Variants in HMCN1 observed in about 807,000 individuals in gnomAD.
HMCN1 encodes the protein hemicentin 1, also known as hemicentin-1.
In HMCN1, 321 loss-of-function variants were observed where a neutral mutation model predicts 625.9. The observed-to-expected ratio is 0.51, with a 90% CI of 0.47 to 0.56. The LOEUF is 0.56. HMCN1 is among the 20% of genes least tolerant of loss of function. HMCN1 has a pLI of 0.00. For missense variants in HMCN1, 6,588 were observed against 6,887.3 expected, an observed-to-expected ratio of 0.96 and a Z score of 1.54; for synonymous variants, 2,425 against 2,417.6, an observed-to-expected ratio of 1.00 and a Z score of -0.09.
chr1:186,134,446 A>G (rs1369711214), intron 86 of HMCN1, among the ~76,000 whole-genome samples: 1 of 152,178 alleles, frequency 6.6e-6, no homozygotes, highest in Non-Finnish European at 1.5e-5. Context: ...TAATGTAATC[A>G]GGAAACTAGG....
rs761411084 is a variant in HMCN1 at position 186,016,005 on chromosome 1, G to A, written c.4957G>A (p.Val1653Ile). ...CTTGGCCACGCCTTTGAATAAGCAAGTAGTTATTGCTCATTCTCTGACACT... is the reference window on the plus strand; with the variant it reads ...CTTGGCCACGCCTTTGAATAAGCAAATAGTTATTGCTCATTCTCTGACACT... ...GNLATPLNKQVVIAHSLTLEC... is the reference protein window; with the variant it reads ...GNLATPLNKQIVIAHSLTLEC... Residue 1653 changes from valine to isoleucine, a missense_variant, in exon 32 of 107, where the codon GTA becomes ATA. Around this residue, in one of 3 missense-constraint regions of HMCN1, gnomAD observed 4,628 missense variants for 4,853.1 expected, o/e 0.95. Coordinates refer to ENST00000271588, the MANE Select transcript of HMCN1 (RefSeq NM_031935.3). The A allele has an allele frequency of 1.2e-6, 2 of 1,613,140 alleles. No individual in the cohort carries two copies. The highest frequency in any genetic ancestry group is 3.3e-5 in the Admixed American group (2 of 59,954).
intron 53 of HMCN1, among the ~76,000 whole-genome samples, chr1:186,076,051 G>A (rs1285054380): frequency 6.6e-6 from 1 of 152,094 alleles, no homozygotes; most frequent in African/African-American, 2.4e-5. Context: ...AAATCACTGT[G>A]AAATGCTCTC....
At chr1:185,795,653 C>T (rs1045175481) in intron 1 of HMCN1, among the ~76,000 whole-genome samples, 2 of 152,262 alleles carry the variant, frequency 1.3e-5, no homozygotes, top group South Asian at 2.1e-4. Context: ...AAGAGGAGCA[C>T]GTCTAGAATA....
intron 34 of HMCN1, among the ~76,000 whole-genome samples, 165 bp downstream of exon 34, chr1:186,018,517 T>C (rs1383034505): frequency 6.6e-6 from 1 of 152,030 alleles, no homozygotes; most frequent in Non-Finnish European, 1.5e-5. Flanking sequence ...AGTTACTTTA[T>C]TGACCCAGAG....
At chr1:185,994,774 T>A (rs1475409728) in intron 23 of HMCN1, 41 bp from the exon 24 acceptor site, 1 of 1,589,916 alleles carries the variant, frequency 6.3e-7, no homozygotes. Flanking sequence ...AGAAAGGAAT[T>A]TGTGAAAGTT....
chr1:185,948,118 T>C (rs575337665), intron 11 of HMCN1, among the ~76,000 whole-genome samples: 22 of 152,356 alleles, frequency 1.4e-4, no homozygotes, highest in African/African-American at 5.3e-4. Flanking sequence ...ATAGGAAATA[T>C]AGATACTTAG....
At chr1:185,777,317 A>C (rs1465297866) in intron 1 of HMCN1, among the ~76,000 whole-genome samples, 2 of 152,228 alleles carry the variant, frequency 1.3e-5, no homozygotes, top group Non-Finnish European at 2.9e-5. Flanking sequence ...CATTCAATAC[A>C]TTCAATAGCT....
At chr1:186,053,723 C>T in intron 43 of HMCN1, 102 bp from the exon 44 acceptor site, 1 of 1,184,066 alleles carries the variant, frequency 8.4e-7, no homozygotes. Context: ...TGTCATTTGC[C>T]TTTTATATAC....
chr1:186,078,445 A>G (rs1176030375), intron 55 of HMCN1, among the ~76,000 whole-genome samples: 2 of 152,226 alleles, frequency 1.3e-5, no homozygotes, highest in Non-Finnish European at 2.9e-5. Flanking sequence ...ACAAACAAAA[A>G]GAATTCATTG....
intron 71 of HMCN1, among the ~76,000 whole-genome samples, chr1:186,109,263 A>T (rs1426723956): frequency 6.6e-6 from 1 of 152,188 alleles, no homozygotes; most frequent in African/African-American, 2.4e-5. Flanking sequence ...GTAGTTAATT[A>T]TAAAAAGGAG....
chr1:186,060,202 A>G (rs1166286175), intron 46 of HMCN1, among the ~76,000 whole-genome samples: 1 of 152,068 alleles, frequency 6.6e-6, no homozygotes, highest in Non-Finnish European at 1.5e-5. Context: ...GAAAAAGTTC[A>G]ATGTCAGCTT....
intron 19 of HMCN1, 50 bp from the exon 20 acceptor site, chr1:185,987,382 T>A (rs765914590): frequency 1.8e-6 from 2 of 1,118,280 alleles, no homozygotes; most frequent in Non-Finnish European, 2.7e-6. Context: ...ATAGATGATT[T>A]TAAATGGAAG....
chr1:185,791,598 T>C (rs1232964652), intron 1 of HMCN1, among the ~76,000 whole-genome samples: 1 of 152,070 alleles, frequency 6.6e-6, no homozygotes, highest in Non-Finnish European at 1.5e-5. Context: ...GGCAGGCTTC[T>C]GTGGTCCCAG....
intron 97 of HMCN1, among the ~76,000 whole-genome samples, chr1:186,156,580 G>A (rs1651032807): frequency 6.6e-6 from 1 of 152,256 alleles, no homozygotes; most frequent in Middle Eastern, 3.4e-3. Context: ...CAACATTTCT[G>A]GAAGGCACTG....
intron 83 of HMCN1, 120 bp from the exon 84 acceptor site, chr1:186,129,846 T>C: frequency 8.5e-7 from 1 of 1,173,756 alleles, no homozygotes. Flanking sequence ...TCTTCTCCAA[T>C]GTCATCTCTT....
intron 39 of HMCN1, 73 bp from the exon 40 acceptor site, chr1:186,040,940 A>T: frequency 6.4e-7 from 1 of 1,553,270 alleles, no homozygotes. Context: ...CCTCAAAAAA[A>T]TAAGAGAAAA....
intron 29 of HMCN1, among the ~76,000 whole-genome samples, chr1:186,006,568 A>G (rs1653647585): frequency 6.6e-6 from 1 of 152,026 alleles, no homozygotes; most frequent in Non-Finnish European, 1.5e-5. Flanking sequence ...AATATCTTTC[A>G]ATATTTATGA....
In HMCN1 at chr1:186,045,606, T is replaced by G. The variant is rs556127251; in HGVS notation, c.6305-82T>G. 647 of 1,016,560 alleles carry G rather than the reference T, an allele frequency of 6.4e-4. 6 individuals carry two copies. The Middle Eastern group carries it at 7.6e-3, about 12-fold the overall frequency. 63.0% of individuals were successfully genotyped at this position (1,016,560 alleles called of 1,614,324 possible). A position where few individuals can be genotyped will look rare whatever the true frequency, so the allele number is the denominator to read the frequency against. On this transcript the variant is annotated intron_variant, in intron 40 of 106. Transcript: ENST00000271588. ...TCTTTAAAAGAACCAATAAAGGTAT[T>G]CAGTATATGTCCTGATAATTGATGA... is the stretch of plus-strand genomic sequence containing the variant.
At chr1:185,809,493 C>T (rs1184241923) in intron 1 of HMCN1, among the ~76,000 whole-genome samples, 1 of 151,426 alleles carries the variant, frequency 6.6e-6, no homozygotes, top group Non-Finnish European at 1.5e-5. Context: ...ATATATATCA[C>T]TAGAAATTTC....
Sources: gnomAD v4.1 joint callset for allele counts (sites outside exome capture counted in the v4.1 genomes callset) on GRCh38, gnomAD v4.1.1 for gene constraint, gnomAD v4.1.1 regional missense constraint, MANE v1.5 for transcripts, NCBI Gene and HGNC (gene_info 2026-07-23, HGNC 2026-07-21) for gene names.